TMEM234: variants seen among roughly 807,000 people sequenced by gnomAD.
The protein encoded by TMEM234 is chromosome 1 open reading frame 91.
In TMEM234, 21 loss-of-function variants were observed where a neutral mutation model predicts 17.8. That is an observed-to-expected ratio of 1.18 (90% CI 0.84 to 1.70). The LOEUF (loss-of-function observed/expected upper bound fraction) is 1.70. Among genes scored for constraint, TMEM234 ranks in the 40% most tolerant of loss-of-function variants. The pLI, the probability that TMEM234 is intolerant of heterozygous loss-of-function variation, is 0.00. For synonymous variants in TMEM234, 83 were observed against 73.5 expected, an observed-to-expected ratio of 1.13 and a Z score of -0.66; for missense variants, 137 against 166.9, an observed-to-expected ratio of 0.82 and a Z score of 0.99.
In TMEM234 at chr1:32,216,700, C is replaced by T; in HGVS notation, c.*153G>A. 6.7e-7 allele frequency: 1 copy of T among 1,496,594 alleles called. No individual in the cohort carries two copies. The highest frequency in any genetic ancestry group is 8.9e-7 in the Non-Finnish European group (1 of 1,118,956). The allele number at this position is 1,496,594 out of a possible 1,614,324, so 92.7% of individuals were successfully genotyped here. Reference sequence around the variant, plus strand: ...TACAAAACTCTTTCACTCTTGTTCTCTTATTGTGATCCATGAGGTAGCTGT... The same window carrying T: ...TACAAAACTCTTTCACTCTTGTTCTTTTATTGTGATCCATGAGGTAGCTGT... On this transcript the variant is annotated 3_prime_UTR_variant, in exon 5 of 5. Coordinates refer to ENST00000309777, the MANE Select transcript of TMEM234 (RefSeq NM_019118.5).
At chr1:32,215,232 C>T, downstream of TMEM234, 4 of 590,806 alleles carry the variant, frequency 6.8e-6, no homozygotes, top group Non-Finnish European at 1.2e-5. Flanking sequence ...AAGGGCAGTG[C>T]TTAAAGCGAT....
chr1:32,218,071 C>A (rs995405948), intron 3 of TMEM234, among the ~76,000 whole-genome samples: 1 of 152,222 alleles, frequency 6.6e-6, no homozygotes. Context: ...AGCCCAGGAT[C>A]TGTTCCTTAA....
chr1:32,221,023 C>T, intron 3 of TMEM234, 108 bp downstream of exon 3: 1 of 834,142 alleles, frequency 1.2e-6, no homozygotes, highest in Non-Finnish European at 2.0e-6. Flanking sequence ...CTAGTCAGCC[C>T]TCTCTCACTG....
downstream of TMEM234, chr1:32,215,767 C>T (rs565494106): frequency 1.7e-4 from 246 of 1,480,854 alleles, no homozygotes; most frequent in Non-Finnish European, 2.0e-4. Context: ...GCCATACTCA[C>T]GGCTCCATTC....
At chr1:32,218,163 G>A (rs11584993) in intron 3 of TMEM234, among the ~76,000 whole-genome samples, 11,136 of 152,314 alleles carry the variant, frequency 0.073, 541 homozygotes, top group Non-Finnish European at 0.11. Context: ...GGTGGCTCAC[G>A]CCTGTAATCC....
intron 3 of TMEM234, among the ~76,000 whole-genome samples, chr1:32,220,480 C>T (rs772011665): frequency 6.6e-6 from 1 of 152,094 alleles, no homozygotes; most frequent in Non-Finnish European, 1.5e-5. Flanking sequence ...CCCAGTCGAG[C>T]ATAAACTTTT....
chr1:32,217,634 A>G, intron 3 of TMEM234: 1 of 634,778 alleles, frequency 1.6e-6, no homozygotes, highest in South Asian at 1.5e-5. Context: ...TGAGATCTCA[A>G]GGACATCTGG....
rs757749829 is a variant in TMEM234 at position 32,217,263 on chromosome 1, T to A, written c.324A>T (p.Gly108=). Residue 108 remains glycine (G), a synonymous_variant, in exon 4 of 5, where the codon GGA becomes GGT. Transcript: ENST00000309777. ...VGKALGEDIG[G]KRAVAGMVLT... is the part of the protein sequence containing the mutation. Reference sequence around the variant, plus strand: ...ACTCGCAGTAGTCTAACTTACGTTTTCCACCAATATCTTCTCCAAGGGCCT... The same window carrying A: ...ACTCGCAGTAGTCTAACTTACGTTTACCACCAATATCTTCTCCAAGGGCCT... 1 of 1,614,180 alleles carries A rather than the reference T, an allele frequency of 6.2e-7. No individual in the cohort carries two copies. The highest frequency in any genetic ancestry group is 1.6e-4 in the Middle Eastern group (1 of 6,062).
chr1:32,222,293 G>T lies in TMEM234; in HGVS notation c.16+14C>A. The T allele has an allele frequency of 1.3e-6, 2 of 1,549,648 alleles. No individual in the cohort carries two copies. Among genetic ancestry groups the T allele is most frequent in the East Asian group, 2.3e-5 (1 of 44,222 alleles). On this transcript the variant is annotated intron_variant, in intron 1 of 4. Transcript: ENST00000309777. Reference sequence around the variant, plus strand: ...GGTCGGGAAATCCATGGAAGGGCGGGGCCGGCTACCTACCCAGAGACGCCG... The same window carrying T: ...GGTCGGGAAATCCATGGAAGGGCGGTGCCGGCTACCTACCCAGAGACGCCG...
At chr1:32,217,515 T>TCCAC (rs1557541639) in intron 3 of TMEM234, 164 bp from the exon 4 acceptor site, 1 of 1,471,798 alleles carries the variant, frequency 6.8e-7, no homozygotes, top group Non-Finnish European at 9.2e-7. Context: ...ATCTCCTGAC[T>TCCAC]CCACGTTCAG....
intron 2 of TMEM234, 95 bp from the exon 3 acceptor site, chr1:32,221,292 G>A: frequency 2.0e-6 from 2 of 986,476 alleles, no homozygotes; most frequent in Non-Finnish European, 3.2e-6. Context: ...TTGGAGGGAG[G>A]CAGGGTTATA....
chr1:32,214,648 A>C, downstream of TMEM234: 2 of 1,145,586 alleles, frequency 1.7e-6, no homozygotes, highest in South Asian at 3.2e-5. Context: ...AAGAGGCAGC[A>C]AGGAGGGAGG....
At chr1:32,214,594 C>T (rs1643722757), downstream of TMEM234, 4 of 636,300 alleles carry the variant, frequency 6.3e-6, no homozygotes, top group Admixed American at 9.3e-5. Context: ...TCGAGGAGTG[C>T]CAGGCATCTA....
chr1:32,215,614 GC>G, downstream of TMEM234: 3 of 1,442,822 alleles, frequency 2.1e-6, no homozygotes, highest in South Asian at 2.5e-5. Context: ...GCAGCCTTGG[GC>G]CCCAGGAACA....
chr1:32,222,268 G>C, intron 1 of TMEM234, 39 bp downstream of exon 1: 3 of 1,533,812 alleles, frequency 2.0e-6, no homozygotes, highest in Non-Finnish European at 2.6e-6. Flanking sequence ...TCGAGGCGAG[G>C]GTCGGGAAAT....
chr1:32,220,036 A>G (rs1182313883), intron 3 of TMEM234, among the ~76,000 whole-genome samples: 2 of 152,214 alleles, frequency 1.3e-5, no homozygotes, highest in African/African-American at 4.8e-5. Flanking sequence ...AATGAGATAA[A>G]AAGAACCTAA....
chr1:32,222,353 C>G lies in TMEM234; in HGVS notation c.-31G>C. 1 of 1,563,914 alleles carries G rather than the reference C, an allele frequency of 6.4e-7. No homozygotes were observed. The highest frequency in any genetic ancestry group is 2.3e-5 in the East Asian group (1 of 44,164). ...CGCCGCTGTCTTCTACTTCCGGGAA[C>G]GAAGGGGCGGAGACCCATAATCCGG... On this transcript the variant is annotated 5_prime_UTR_variant, in exon 1 of 5. Coordinates refer to ENST00000309777, the MANE Select transcript of TMEM234 (RefSeq NM_019118.5).
downstream of TMEM234, chr1:32,215,822 A>G (rs1638335981): frequency 6.4e-7 from 1 of 1,552,816 alleles, no homozygotes; most frequent in East Asian, 2.4e-5. Context: ...AGATAGTGGA[A>G]GAGGCCTTGT....
At chr1:32,217,612 A>C (rs1638521851) in intron 3 of TMEM234, 1 of 719,652 alleles carries the variant, frequency 1.4e-6, no homozygotes, top group African/African-American at 1.7e-5. Context: ...CTTTGCACTC[A>C]AAGAGAACTC....
Sources: gnomAD v4.1 joint callset for allele counts (sites outside exome capture counted in the v4.1 genomes callset) on GRCh38, gnomAD v4.1.1 for gene constraint, MANE v1.5 for transcripts, NCBI Gene and HGNC (gene_info 2026-07-23, HGNC 2026-07-21) for gene names.